DTNB: variants seen among roughly 807,000 people sequenced by gnomAD.
The protein encoded by DTNB is dystrobrevin beta.
In DTNB, 63 loss-of-function variants were observed where a neutral mutation model predicts 90.7. The ratio of observed to expected loss-of-function variants is 0.69; its 90% CI spans 0.57 to 0.86. The LOEUF is 0.86. Among genes scored for constraint, DTNB ranks in the 40% least tolerant of loss-of-function variants. DTNB has a pLI of 0.00. For synonymous variants in DTNB, 277 were observed against 286.7 expected, an observed-to-expected ratio of 0.97 and a Z score of 0.34; for missense variants, 744 against 807.1, an observed-to-expected ratio of 0.92 and a Z score of 0.95.
At chr2:25,596,919 G>A (rs745924488) in intron 5 of DTNB, among the ~76,000 whole-genome samples, 1 of 152,130 alleles carries the variant, frequency 6.6e-6, no homozygotes, top group Non-Finnish European at 1.5e-5. Flanking sequence ...AACTTTATCT[G>A]CTTGCAGGGA....
At chr2:25,539,825 G>A (rs896239925) in intron 8 of DTNB, among the ~76,000 whole-genome samples, 6 of 151,834 alleles carry the variant, frequency 4.0e-5, no homozygotes, top group Admixed American at 2.0e-4. Flanking sequence ...CCAAATTACC[G>A]TCTAAAACGT....
intron 8 of DTNB, among the ~76,000 whole-genome samples, chr2:25,543,781 G>A (rs1156888248): frequency 6.6e-6 from 1 of 151,460 alleles, no homozygotes; most frequent in Non-Finnish European, 1.5e-5. Context: ...TTCCTCTTTT[G>A]GAAATTTGCT....
chr2:25,632,634 C>T (rs1044095305), intron 3 of DTNB, among the ~76,000 whole-genome samples: 1 of 152,160 alleles, frequency 6.6e-6, no homozygotes, highest in Non-Finnish European at 1.5e-5. Flanking sequence ...GCCTCCTCAC[C>T]ATGGGATGGT....
rs1167010270 is a variant in DTNB, at chr2:25,424,899, T to C, written c.1554+2636A>G. On this transcript the variant is annotated intron_variant, in intron 15 of 20. Coordinates refer to ENST00000406818, the MANE Select transcript of DTNB (RefSeq NM_021907.5). The surrounding 1 kb of genome is among the most constrained non-coding windows in gnomAD (Gnocchi z 4.1). ...GCCAGGCTGAACTCCTGGCCTCAAG[T>C]GATCCACCCATCTTGGCCTCCCAAA... Among the ~76,000 whole-genome samples the C allele has an allele frequency of 6.6e-6, 1 of 152,114 alleles. No individual in the cohort carries two copies. The highest frequency in any genetic ancestry group is 1.5e-5 in the Non-Finnish European group (1 of 68,000).
At chr2:25,413,542 T>G (rs1017557914) in intron 16 of DTNB, among the ~76,000 whole-genome samples, 9 of 152,222 alleles carry the variant, frequency 5.9e-5, no homozygotes, top group African/African-American at 2.2e-4. Context: ...TGCGATAGTT[T>G]GCTGAGAATG....
intron 8 of DTNB, chr2:25,558,186 A>T: frequency 1.0e-6 from 1 of 983,350 alleles, no homozygotes; most frequent in Non-Finnish European, 1.2e-6. Context: ...GATATACAAC[A>T]TATAACACAC....
At chr2:25,410,796 A>C (rs2046394978) in intron 16 of DTNB, among the ~76,000 whole-genome samples, 1 of 152,196 alleles carries the variant, frequency 6.6e-6, no homozygotes. Flanking sequence ...CAATGTATAG[A>C]TAATCAATAG....
intron 16 of DTNB, among the ~76,000 whole-genome samples, chr2:25,391,082 G>A (rs140182092): frequency 1.3e-5 from 2 of 151,696 alleles, no homozygotes; most frequent in African/African-American, 4.9e-5. Flanking sequence ...ATTTTTCGTA[G>A]AGACAGGGTT....
chr2:25,595,957 A>G, intron 6 of DTNB, 129 bp downstream of exon 6: 2 of 761,272 alleles, frequency 2.6e-6, no homozygotes, highest in South Asian at 1.2e-4. Flanking sequence ...ACTCCCCACC[A>G]CCTTTAAAGC....
intron 16 of DTNB, among the ~76,000 whole-genome samples, chr2:25,395,986 C>T (rs1480592071): frequency 6.6e-6 from 1 of 152,084 alleles, no homozygotes; most frequent in African/African-American, 2.4e-5. Context: ...GGTGCTAGGA[C>T]AATTCACAAT....
chr2:25,673,521 G>GAACGTTCGCAGCGCCC lies in DTNB; in HGVS notation c.-153_-138dup, dbSNP rs2086617375. On this transcript the variant is annotated 5_prime_UTR_variant, in exon 1 of 21. Coordinates refer to ENST00000406818, the MANE Select transcript of DTNB (RefSeq NM_021907.5). Reference sequence around the variant, plus strand: ...CAGGCCCCGGAGCCACCCCCGCGGCGAACGTTCGCAGCGCCCGGCTCGCGC... The same window carrying GAACGTTCGCAGCGCCC: ...CAGGCCCCGGAGCCACCCCCGCGGCGAACGTTCGCAGCGCCCAACGTTCGCAGCGCCCGGCTCGCGC... 1 of 149,742 alleles carries GAACGTTCGCAGCGCCC rather than the reference G, an allele frequency of 6.7e-6. No homozygotes were observed. The highest frequency in any genetic ancestry group is 1.5e-5 in the Non-Finnish European group (1 of 67,152). 9.3% of individuals were successfully genotyped at this position (149,742 alleles called of 1,614,324 possible).
chr2:25,606,838 C>G (rs573363015), intron 5 of DTNB, among the ~76,000 whole-genome samples: 7 of 152,228 alleles, frequency 4.6e-5, no homozygotes, highest in Non-Finnish European at 7.4e-5. Flanking sequence ...CAGCAAACAT[C>G]ACCTGATGAA....
intron 8 of DTNB, among the ~76,000 whole-genome samples, chr2:25,540,918 G>T (rs1248683743): frequency 7.2e-5 from 11 of 151,878 alleles, no homozygotes; most frequent in Non-Finnish European, 1.3e-4. Flanking sequence ...AGGCCTCAGG[G>T]TCCTCTGCCT....
chr2:25,596,371 T>C lies in DTNB; in HGVS notation c.449-131A>G, dbSNP rs17047086. 3.5e-3 allele frequency: 3,946 copies of C among 1,115,070 alleles called. 10 individuals are homozygous for C. Among genetic ancestry groups the C allele is most frequent in the Non-Finnish European group, 4.4e-3 (3,578 of 821,400 alleles). 69.1% of individuals were successfully genotyped at this position (1,115,070 alleles called of 1,614,324 possible). On this transcript the variant is annotated intron_variant, in intron 5 of 20. Coordinates refer to ENST00000406818, the MANE Select transcript of DTNB (RefSeq NM_021907.5). The stretch of plus-strand genomic sequence containing the variant: ...ATCATAAAATTATTGTGACTTTTAG[T>C]TAATATTAAAACTATTCTCATCCTT...
chr2:25,577,787 G>A (rs569172820), intron 7 of DTNB, among the ~76,000 whole-genome samples: 24 of 152,274 alleles, frequency 1.6e-4, no homozygotes, highest in African/African-American at 5.8e-4. Context: ...CAGATCACGA[G>A]GTCAGGAGTT....
intron 4 of DTNB, among the ~76,000 whole-genome samples, chr2:25,610,584 G>A (rs1377054254): frequency 6.6e-6 from 1 of 152,072 alleles, no homozygotes; most frequent in East Asian, 1.9e-4. Context: ...AACATTTAAA[G>A]TTCACTGAAT....
chr2:25,605,906 C>T (rs1232703458), intron 5 of DTNB, among the ~76,000 whole-genome samples: 1 of 151,956 alleles, frequency 6.6e-6, no homozygotes, highest in African/African-American at 2.4e-5. Context: ...ATGTGAAAAA[C>T]CTCAGAAGAA....
chr2:25,634,454 G>A (rs1201824973), intron 3 of DTNB, among the ~76,000 whole-genome samples: 3 of 146,932 alleles, frequency 2.0e-5, no homozygotes, highest in Admixed American at 6.7e-5. Flanking sequence ...CCCCCCGCCC[G>A]GCCAGTCGCC....
intron 16 of DTNB, chr2:25,419,281 C>A (rs372415987): frequency 3.2e-6 from 2 of 621,534 alleles, no homozygotes; most frequent in African/African-American, 3.7e-5. Context: ...TCAATGCGCA[C>A]AACAGATGGG....
Sources: gnomAD v4.1 joint callset for allele counts (sites outside exome capture counted in the v4.1 genomes callset) on GRCh38, gnomAD v4.1.1 for gene constraint, Gnocchi (gnomAD v3.1) non-coding constraint, MANE v1.5 for transcripts, NCBI Gene and HGNC (gene_info 2026-07-23, HGNC 2026-07-21) for gene names.